The following CPNE4 variants were observed in gnomAD, a reference collection of about 807,000 sequenced individuals.
CPNE4 encodes the protein copine 4.
Under a neutral mutation model 67.9 loss-of-function variants are expected in CPNE4, and 25 were observed. The ratio of observed to expected loss-of-function variants is 0.37; its 90% CI spans 0.27 to 0.51. The LOEUF is 0.51. Ranked by LOEUF, CPNE4 falls within the 20% of genes least tolerant of loss-of-function variation. CPNE4 has a pLI of 0.93. For missense variants in CPNE4, 464 were observed against 690.8 expected (o/e 0.67, Z 3.68); for synonymous variants, 242 against 244.9 (o/e 0.99, Z 0.11).
intron 1 of CPNE4, among the ~76,000 whole-genome samples, chr3:131,986,853 C>CAAAAAAAAAAA (rs1301527604): frequency 9.8e-6 from 1 of 101,680 alleles, no homozygotes; most frequent in Non-Finnish European, 1.9e-5. Context: ...CAAAAAAAAA[C>CAAAAAAAAAAA]AAAAACAAAC....
chr3:131,799,726 A>C (rs1023412272), intron 2 of CPNE4, among the ~76,000 whole-genome samples: 7 of 152,180 alleles, frequency 4.6e-5, no homozygotes, highest in African/African-American at 1.7e-4. Flanking sequence ...CTGGTAAAAC[A>C]TACCCAGCAT....
intron 1 of CPNE4, among the ~76,000 whole-genome samples, chr3:131,943,930 T>TCCCATCACACACATAC (rs2071473976): frequency 6.6e-6 from 1 of 152,158 alleles, no homozygotes; most frequent in African/African-American, 2.4e-5. Flanking sequence ...GCCTCAGATA[T>TCCCATCACACACATAC]CCCATCACAC....
At chr3:131,977,120 C>A (rs967612682) in intron 1 of CPNE4, among the ~76,000 whole-genome samples, 2 of 152,096 alleles carry the variant, frequency 1.3e-5, no homozygotes, top group Non-Finnish European at 2.9e-5. Context: ...TCTTAATAAA[C>A]CCACTTTAAG....
intron 6 of CPNE4, among the ~76,000 whole-genome samples, chr3:131,671,545 G>T (rs1419922088): frequency 6.6e-6 from 1 of 151,972 alleles, no homozygotes; most frequent in African/African-American, 2.4e-5. Flanking sequence ...TGTATCTACT[G>T]AGAAAGCAAG....
At chr3:131,789,035 C>CAGAGAG (rs71136414) in intron 2 of CPNE4, among the ~76,000 whole-genome samples, 6 of 137,402 alleles carry the variant, frequency 4.4e-5, no homozygotes, top group East Asian at 2.1e-4. Flanking sequence ...CACACACACA[C>CAGAGAG]AGAGAGAGAG....
chr3:131,576,177 T>C (rs1937544250), intron 9 of CPNE4, among the ~76,000 whole-genome samples: 1 of 152,072 alleles, frequency 6.6e-6, no homozygotes, highest in South Asian at 2.1e-4. Context: ...TCAGTGTTGG[T>C]CTCTCTAGAT....
intron 7 of CPNE4, among the ~76,000 whole-genome samples, chr3:131,652,686 T>C (rs533898729): frequency 1.2e-4 from 18 of 152,154 alleles, no homozygotes; most frequent in Non-Finnish European, 2.5e-4. Context: ...TACACACACA[T>C]GAGCACTTAC....
intron 12 of CPNE4, among the ~76,000 whole-genome samples, chr3:131,555,156 T>C (rs1474334633): frequency 1.3e-5 from 2 of 152,052 alleles, no homozygotes; most frequent in African/African-American, 4.8e-5. Flanking sequence ...GCCAATAGAA[T>C]TCTATTTCCT....
intron 1 of CPNE4, among the ~76,000 whole-genome samples, chr3:131,939,136 A>C (rs2071311402): frequency 6.6e-6 from 1 of 152,140 alleles, no homozygotes; most frequent in Non-Finnish European, 1.5e-5. Flanking sequence ...TACTTCTCTA[A>C]ACCTATGTAC....
chr3:131,770,562 G>C (rs1038012553), intron 2 of CPNE4, among the ~76,000 whole-genome samples: 8 of 152,220 alleles, frequency 5.3e-5, no homozygotes, highest in African/African-American at 4.8e-5. Flanking sequence ...CCAAGACCTA[G>C]AGGAAGCTCC....
intron 2 of CPNE4, among the ~76,000 whole-genome samples, chr3:131,852,635 T>C (rs1021159684): frequency 1.3e-5 from 2 of 151,830 alleles, no homozygotes; most frequent in Non-Finnish European, 2.9e-5. Context: ...CACTCCATCT[T>C]TTCAATAGTG....
intron 2 of CPNE4, among the ~76,000 whole-genome samples, chr3:131,868,104 C>T (rs567609181): frequency 1.3e-5 from 2 of 152,290 alleles, no homozygotes; most frequent in South Asian, 2.1e-4. Context: ...TAAATCTTCT[C>T]ACTTGATAGT....
chr3:132,031,667 A>G (rs1290973805), intron 1 of CPNE4, among the ~76,000 whole-genome samples: 1 of 152,222 alleles, frequency 6.6e-6, no homozygotes, highest in Non-Finnish European at 1.5e-5. Flanking sequence ...AAGGTAACAT[A>G]ATGTTCTAGG....
At chr3:131,734,844 A>T (rs1415790548) in intron 2 of CPNE4, among the ~76,000 whole-genome samples, 1 of 152,108 alleles carries the variant, frequency 6.6e-6, no homozygotes, top group Non-Finnish European at 1.5e-5. Flanking sequence ...TGAGCCATGA[A>T]CGCACTGAGG....
rs369493474 is a variant in CPNE4, at chr3:132,018,537, TTTCTTC to T, written c.-2+16024_-2+16029del. 5.8e-3 allele frequency among the ~76,000 whole-genome samples: 882 copies of T among 152,322 alleles called. 9 individuals carry two copies. The highest frequency in any genetic ancestry group is 0.019 in the African/African-American group (808 of 41,568). ...GACAACTGAATTTTGAAGTAGGGACTTTCTTCCCCTAGCACCCCTCATCTTTATGTC... is the reference window on the plus strand; with the variant it reads ...GACAACTGAATTTTGAAGTAGGGACTCCCTAGCACCCCTCATCTTTATGTC... On this transcript the variant is annotated intron_variant, in intron 1 of 15. Coordinates refer to ENST00000429747, the MANE Select transcript of CPNE4 (RefSeq NM_130808.3).
intron 9 of CPNE4, among the ~76,000 whole-genome samples, chr3:131,580,819 A>G (rs1937778059): frequency 6.6e-6 from 1 of 152,126 alleles, no homozygotes; most frequent in Admixed American, 6.6e-5. Flanking sequence ...AAGCCCTTTA[A>G]TCTTTGCCTG....
chr3:131,931,358 G>A (rs1045420218), intron 1 of CPNE4, among the ~76,000 whole-genome samples: 1 of 152,122 alleles, frequency 6.6e-6, no homozygotes, highest in Non-Finnish European at 1.5e-5. Context: ...TCTCAGGAAG[G>A]CGAAGATTAA....
In CPNE4 at chr3:131,717,938, C is replaced by CT. The variant is rs1301445387; in HGVS notation, c.360+5507dup. Among the ~76,000 whole-genome samples the CT allele has an allele frequency of 7.5e-3, 973 of 129,092 alleles. 5 individuals are homozygous for CT. The highest frequency in any genetic ancestry group is 0.012 in the Middle Eastern group (3 of 256). The allele number at this position is 129,092 out of a possible 152,430, so 84.7% of individuals were successfully genotyped here. A position where few individuals can be genotyped will look rare whatever the true frequency, so the allele number is the denominator to read the frequency against. On this transcript the variant is annotated intron_variant, in intron 3 of 15. Transcript: ENST00000429747. ...TCTTTCTTTCTTTCTTTCTTTCTTTCTTTCTTTTCTTTCTTTCTCTCTTTC... is the reference window on the plus strand; with the variant it reads ...TCTTTCTTTCTTTCTTTCTTTCTTTCTTTTCTTTTCTTTCTTTCTCTCTTTC...
intron 6 of CPNE4, among the ~76,000 whole-genome samples, chr3:131,685,183 A>G (rs796904016): frequency 1.3e-5 from 2 of 151,840 alleles, no homozygotes; most frequent in African/African-American, 2.4e-5. Flanking sequence ...AATGGGGGTC[A>G]TCATCATCAT....
Sources: allele counts gnomAD v4.1 joint callset (sites outside exome capture counted in the v4.1 genomes callset), GRCh38; gene constraint gnomAD v4.1.1; transcripts MANE v1.5; gene names NCBI Gene and HGNC (gene_info 2026-07-23, HGNC 2026-07-21).